RASGEF1C: variants seen among roughly 807,000 people sequenced by gnomAD.
RASGEF1C encodes ras-GEF domain-containing family member 1C.
RASGEF1C carries 27 observed loss-of-function variants against 58.1 expected under a neutral mutation model. The ratio of observed to expected loss-of-function variants is 0.46; its 90% CI spans 0.34 to 0.64. RASGEF1C has a LOEUF of 0.64. Ranked by LOEUF, RASGEF1C falls within the 30% of genes least tolerant of loss-of-function variation. The pLI is 0.01. For missense variants in RASGEF1C, 502 were observed against 605.1 expected (o/e 0.83, Z 1.79); for synonymous variants, 243 against 246.3 (o/e 0.99, Z 0.13).
chr5:180,207,234 G>A (rs1369130648), intron 1 of RASGEF1C, among the ~76,000 whole-genome samples: 1 of 152,216 alleles, frequency 6.6e-6, no homozygotes, highest in Non-Finnish European at 1.5e-5. Context: ...CTTTCGGGGT[G>A]CATTGTGGAG....
intron 1 of RASGEF1C, among the ~76,000 whole-genome samples, chr5:180,170,709 T>C (rs1676259780): frequency 6.6e-6 from 1 of 152,202 alleles, no homozygotes; most frequent in Non-Finnish European, 1.5e-5. Flanking sequence ...ACCCCAGTCC[T>C]GCATGGGGCC....
At position 180,151,776 on chromosome 5, in the gene RASGEF1C, C is replaced by T. The variant is rs941261491; in HGVS notation, c.-6-13718G>A. Among the ~76,000 whole-genome samples, 354 of 152,016 alleles carry T rather than the reference C, an allele frequency of 2.3e-3. 3 individuals are homozygous for T. The highest frequency in any genetic ancestry group is 8.1e-3 in the African/African-American group (338 of 41,520). ...CAAAAGAAACTACCATCAGAGTGAA[C>T]AGGCAACCTACAGAATGGGAGAAAA... On this transcript the variant is annotated intron_variant, in intron 1 of 13. Coordinates refer to ENST00000361132, the MANE Select transcript of RASGEF1C (RefSeq NM_175062.4).
intron 6 of RASGEF1C, among the ~76,000 whole-genome samples, chr5:180,127,170 T>C (rs1264436119): frequency 6.6e-6 from 1 of 152,034 alleles, no homozygotes; most frequent in Admixed American, 6.5e-5. Context: ...GGAGTTCCCT[T>C]ACCCATCCCG....
intron 8 of RASGEF1C, 127 bp downstream of exon 8, chr5:180,119,219 C>A: frequency 1.2e-6 from 1 of 817,244 alleles, no homozygotes; most frequent in South Asian, 1.5e-5. Context: ...CTTCAGAGAG[C>A]CCGGCCCACG....
intron 1 of RASGEF1C, among the ~76,000 whole-genome samples, chr5:180,200,515 G>T (rs945516345): frequency 4.0e-5 from 6 of 151,620 alleles, no homozygotes; most frequent in African/African-American, 1.2e-4. Context: ...GGGTTTCACC[G>T]TGTTAGCCAG....
Position 180,109,409 on chromosome 5 carries a change from G to A in RASGEF1C, c.1303+2048C>T, listed in dbSNP as rs530665380. On this transcript the variant is annotated intron_variant, in intron 12 of 13. Coordinates refer to ENST00000361132, the MANE Select transcript of RASGEF1C (RefSeq NM_175062.4). ...GGAGGCGGAGCTTGCAGTGAGCCGA[G>A]ATTGCGCCACTGCACTCCAGCCTGG... Among the ~76,000 whole-genome samples, 8 of 152,290 alleles carry A rather than the reference G, an allele frequency of 5.3e-5. No individual in the cohort carries two copies. In the South Asian group the frequency reaches 1.7e-3, roughly 32 times the overall value.
At chr5:180,193,558 A>G (rs1366102367) in intron 1 of RASGEF1C, among the ~76,000 whole-genome samples, 1 of 152,134 alleles carries the variant, frequency 6.6e-6, no homozygotes, top group Non-Finnish European at 1.5e-5. Flanking sequence ...TCAACAGGAC[A>G]AGTGTTCCCA....
intron 1 of RASGEF1C, among the ~76,000 whole-genome samples, chr5:180,140,745 A>G (rs952172439): frequency 2.6e-5 from 4 of 152,324 alleles, no homozygotes. Flanking sequence ...CAGGAGCTCC[A>G]GCCTGCCTGG....
chr5:180,144,536 GGCTGAGATGGGAGGATT>G (rs1766635689), intron 1 of RASGEF1C, among the ~76,000 whole-genome samples: 1 of 152,160 alleles, frequency 6.6e-6, no homozygotes, highest in Non-Finnish European at 1.5e-5. Flanking sequence ...CTACTTGGGA[GGCTGAGATGGGAGGATT>G]GCTTGAGCCC....
At chr5:180,173,587 C>T (rs548946318) in intron 1 of RASGEF1C, among the ~76,000 whole-genome samples, 17 of 152,330 alleles carry the variant, frequency 1.1e-4, no homozygotes, top group African/African-American at 3.6e-4. Context: ...TTTCATTTCT[C>T]CCCTAAATTT....
At chr5:180,190,508 ATAATAAT>A (rs1233316461) in intron 1 of RASGEF1C, among the ~76,000 whole-genome samples, 5 of 97,866 alleles carry the variant, frequency 5.1e-5, no homozygotes, top group Non-Finnish European at 1.0e-4. Flanking sequence ...AAAAAAAAAA[ATAATAAT>A]AATAATAATA....
At chr5:180,153,053 A>G (rs1766789259) in intron 1 of RASGEF1C, among the ~76,000 whole-genome samples, 1 of 151,988 alleles carries the variant, frequency 6.6e-6, no homozygotes, top group South Asian at 2.1e-4. Flanking sequence ...ACGTCCCCAT[A>G]TGTTACTGCT....
At chr5:180,124,779 G>A (rs145276918) in intron 6 of RASGEF1C, among the ~76,000 whole-genome samples, 29 of 152,040 alleles carry the variant, frequency 1.9e-4, no homozygotes, top group Admixed American at 5.2e-4. Context: ...AGCGAAGATC[G>A]TGCTATTGCA....
At chr5:180,161,551 C>T (rs1420243539) in intron 1 of RASGEF1C, among the ~76,000 whole-genome samples, 2 of 152,242 alleles carry the variant, frequency 1.3e-5, no homozygotes, top group African/African-American at 4.8e-5. Flanking sequence ...TGGTCCTGGA[C>T]GCCAGCCCAG....
At chr5:180,149,457 T>C (rs1316128203) in intron 1 of RASGEF1C, among the ~76,000 whole-genome samples, 1 of 150,652 alleles carries the variant, frequency 6.6e-6, no homozygotes, top group Non-Finnish European at 1.5e-5. Context: ...TTTGTTTTGT[T>C]TTGTTTTGTT....
At chr5:180,146,604 T>C in intron 1 of RASGEF1C, among the ~76,000 whole-genome samples, 1 of 152,316 alleles carries the variant, frequency 6.6e-6, no homozygotes, top group Admixed American at 6.5e-5. Flanking sequence ...ATCATGTTAA[T>C]CTATTGTATT....
chr5:180,121,339 A>G (rs2113256490), intron 6 of RASGEF1C, among the ~76,000 whole-genome samples, 190 bp from the exon 7 acceptor site: 1 of 149,664 alleles, frequency 6.7e-6, no homozygotes, highest in Non-Finnish European at 1.5e-5. Context: ...TTTGAGACGG[A>G]GTCCCGCTCT....
chr5:180,167,147 A>C (rs1767035935), intron 1 of RASGEF1C, among the ~76,000 whole-genome samples: 1 of 152,008 alleles, frequency 6.6e-6, no homozygotes, highest in Non-Finnish European at 1.5e-5. Flanking sequence ...TTATGTTTTC[A>C]AATGCTTTTT....
In RASGEF1C at chr5:180,136,404, C is replaced by A. The variant is rs372841441; in HGVS notation, c.412G>T (p.Val138Leu). Residue 138 changes from valine (V) to leucine (L), a missense_variant, in exon 4 of 14, where the codon GTG becomes TTG. Val to Leu is a conservative substitution (Grantham distance 32, BLOSUM62 1). Coordinates refer to ENST00000361132, the MANE Select transcript of RASGEF1C (RefSeq NM_175062.4). ...ESTIGHLKDV[V>L]GRIAPCDEAY... ...TCGTCACAGGGGGCGATGCGGCCCA[C>A]GACGTCCTTAAGGTGCCCGATAGTC... 17 of 1,558,930 alleles carry A rather than the reference C, an allele frequency of 1.1e-5. No homozygotes were observed. Among genetic ancestry groups the A allele is most frequent in the East Asian group, 7.2e-5 (3 of 41,516 alleles).
Sources: gnomAD v4.1 joint callset for allele counts (sites outside exome capture counted in the v4.1 genomes callset) on GRCh38, gnomAD v4.1.1 for gene constraint, MANE v1.5 for transcripts, NCBI Gene and HGNC (gene_info 2026-07-23, HGNC 2026-07-21) for gene names.